The following TWIST2 variants were observed in gnomAD, a reference collection of about 807,000 sequenced individuals.
TWIST2 encodes the protein twist-related protein 2.
Under a neutral mutation model 11.6 loss-of-function variants are expected in TWIST2, and 1 was observed. The observed-to-expected ratio is 0.09, with a 90% CI of 0.03 to 0.41. The LOEUF (loss-of-function observed/expected upper bound fraction) is 0.41. Ranked by LOEUF, TWIST2 falls within the 10% of genes least tolerant of loss-of-function variation. TWIST2 has a pLI of 0.98. For synonymous variants in TWIST2, 87 were observed against 96.6 expected, an observed-to-expected ratio of 0.90 and a Z score of 0.58; for missense variants, 168 against 226.4, an observed-to-expected ratio of 0.74 and a Z score of 1.66.
In TWIST2 at chr2:238,896,391, C is replaced by T. The variant is rs918534448; in HGVS notation, c.*36-13451C>T. On this transcript the variant is annotated intron_variant, in intron 1 of 1. Coordinates refer to ENST00000612363, the MANE Select transcript of TWIST2 (RefSeq NM_001271893.4). Reference sequence around the variant, plus strand: ...GGAATCACAGGCTCCCTGCAGGACCCCATTTCAAGCCAGTGGTGCCGGAAG... The same window carrying T: ...GGAATCACAGGCTCCCTGCAGGACCTCATTTCAAGCCAGTGGTGCCGGAAG... Among the ~76,000 whole-genome samples the T allele has an allele frequency of 2.9e-4, 44 of 152,320 alleles. No individual in the cohort carries two copies. In the East Asian group the frequency reaches 7.0e-3, roughly 24 times the overall value.
rs908337437 is a variant in TWIST2, at chr2:238,867,009, C to T, written c.*35+18276C>T. Among the ~76,000 whole-genome samples, 7 of 152,174 alleles carry T rather than the reference C, an allele frequency of 4.6e-5. No individual in the cohort carries two copies. The highest frequency in any genetic ancestry group is 3.9e-4 in the East Asian group (2 of 5,186). ...GAAACTACACTGTGTCTGATGCAAA[C>T]GCATGTTTTCTGTGCATCTGTGATT... On this transcript the variant is annotated intron_variant, in intron 1 of 1. Coordinates refer to ENST00000612363, the MANE Select transcript of TWIST2 (RefSeq NM_001271893.4). The surrounding 1 kb of genome is among the most constrained non-coding windows in gnomAD (Gnocchi z 4.8).
intron 1 of TWIST2, among the ~76,000 whole-genome samples, chr2:238,891,032 C>T (rs929911669): frequency 1.3e-5 from 2 of 152,198 alleles, no homozygotes; most frequent in Admixed American, 6.5e-5. Context: ...CCCCGAGCTT[C>T]GGCGTGGTCC....
In TWIST2 at chr2:238,848,149, G is replaced by A. The variant is rs564627731; in HGVS notation, c.-67G>A. ...CCGAGAGCGTGTGCTCGGCGACCGC[G>A]GGCTTGGCCAGCGGCGCGCGCTCGG... On this transcript the variant is annotated 5_prime_UTR_variant, in exon 1 of 2. Coordinates refer to ENST00000612363, the MANE Select transcript of TWIST2 (RefSeq NM_001271893.4). The A allele has an allele frequency of 3.5e-4, 405 of 1,158,466 alleles. 2 individuals are homozygous for A. Among genetic ancestry groups the A allele is most frequent in the Non-Finnish European group, 3.9e-4 (364 of 940,172 alleles). 71.8% of individuals were successfully genotyped at this position (1,158,466 alleles called of 1,614,324 possible). A position where few individuals can be genotyped will look rare whatever the true frequency, so the allele number is the denominator to read the frequency against.
At chr2:238,891,090 G>A (rs1412675839) in intron 1 of TWIST2, among the ~76,000 whole-genome samples, 5 of 152,326 alleles carry the variant, frequency 3.3e-5, no homozygotes, top group Admixed American at 6.5e-5. Context: ...GGAGGACGTC[G>A]ATTAGATTTG....
intron 1 of TWIST2, among the ~76,000 whole-genome samples, chr2:238,853,448 G>GGAGAGAGAGAGAGA (rs375821278): frequency 1.9e-4 from 25 of 130,666 alleles, no homozygotes; most frequent in Admixed American, 2.4e-4. Context: ...AGGGAGAGAT[G>GGAGAGAGAGAGAGA]GAGAGAGAGA....
chr2:238,873,165 C>T (rs1398892610), intron 1 of TWIST2, among the ~76,000 whole-genome samples: 1 of 152,214 alleles, frequency 6.6e-6, no homozygotes, highest in African/African-American at 2.4e-5. Context: ...CAAGGGGTGG[C>T]ACTTTGGTGG....
chr2:238,909,551 A>G (rs1693417153), intron 1 of TWIST2, among the ~76,000 whole-genome samples: 1 of 151,926 alleles, frequency 6.6e-6, no homozygotes, highest in Non-Finnish European at 1.5e-5. Flanking sequence ...GGCCAGGGAG[A>G]GGCCCCGGGG....
intron 1 of TWIST2, among the ~76,000 whole-genome samples, chr2:238,880,542 G>A (rs868159965): frequency 6.5e-4 from 60 of 91,940 alleles, no homozygotes; most frequent in African/African-American, 2.4e-3. Flanking sequence ...ATTAGTGTTA[G>A]TGTTAGTATT....
chr2:238,854,027 GA>G (rs1004507149), intron 1 of TWIST2, among the ~76,000 whole-genome samples: 20 of 152,314 alleles, frequency 1.3e-4, no homozygotes, highest in African/African-American at 4.8e-4. Flanking sequence ...GAAAGATTCA[GA>G]TGACCCAGCT....
intron 1 of TWIST2, among the ~76,000 whole-genome samples, chr2:238,892,076 G>T (rs1693144295): frequency 6.6e-6 from 1 of 152,148 alleles, no homozygotes; most frequent in Admixed American, 6.5e-5. Flanking sequence ...CCGGTGTGTG[G>T]ACTGGAACCC....
At chr2:238,874,917 C>T (rs930445898) in intron 1 of TWIST2, among the ~76,000 whole-genome samples, 17 of 152,104 alleles carry the variant, frequency 1.1e-4, no homozygotes, top group Admixed American at 3.3e-4. Context: ...CCACACGGCC[C>T]CTTCTTTGTG....
Position 238,848,747 on chromosome 2 carries a change from G to A in TWIST2, c.*35+14G>A, listed in dbSNP as rs1275176483. ...CGGCGCGCCAGGGTAGGTGCTGCGCGCGCGACGGGCGCCCTCCGCTGCGGG... is the reference window on the plus strand; with the variant it reads ...CGGCGCGCCAGGGTAGGTGCTGCGCACGCGACGGGCGCCCTCCGCTGCGGG... On this transcript the variant is annotated intron_variant, in intron 1 of 1. Transcript: ENST00000612363. 4.5e-6 allele frequency: 6 copies of A among 1,343,148 alleles called. No homozygotes were observed. The highest frequency in any genetic ancestry group is 4.7e-6 in the Non-Finnish European group (5 of 1,054,436). 83.2% of individuals were successfully genotyped at this position (1,343,148 alleles called of 1,614,324 possible).
chr2:238,868,813 C>T (rs1692592748), intron 1 of TWIST2, among the ~76,000 whole-genome samples: 1 of 152,254 alleles, frequency 6.6e-6, no homozygotes, highest in African/African-American at 2.4e-5. Flanking sequence ...GCCCACGGCT[C>T]AGCAAGGCTG....
At chr2:238,869,098 C>T (rs1220162067) in intron 1 of TWIST2, among the ~76,000 whole-genome samples, 1 of 152,184 alleles carries the variant, frequency 6.6e-6, no homozygotes, top group Non-Finnish European at 1.5e-5. Flanking sequence ...GGGGAGCACG[C>T]CACTGAGAGA....
At chr2:238,901,440 A>G (rs903213884) in intron 1 of TWIST2, among the ~76,000 whole-genome samples, 5 of 152,006 alleles carry the variant, frequency 3.3e-5, no homozygotes, top group Non-Finnish European at 4.4e-5. Flanking sequence ...GAAGCAGACA[A>G]TTCTGGTTTT....
intron 1 of TWIST2, among the ~76,000 whole-genome samples, chr2:238,898,961 C>T (rs1487481562): frequency 1.3e-5 from 2 of 152,260 alleles, no homozygotes; most frequent in African/African-American, 2.4e-5. Flanking sequence ...ACAATGTGAC[C>T]GATGACTGCT....
At chr2:238,857,345 A>T (rs1258066499) in intron 1 of TWIST2, among the ~76,000 whole-genome samples, 3 of 152,200 alleles carry the variant, frequency 2.0e-5, no homozygotes, top group Non-Finnish European at 4.4e-5. Flanking sequence ...ATGTCTGAGC[A>T]TGAGCCCAGC....
chr2:238,858,679 A>T (rs1276445199), intron 1 of TWIST2, among the ~76,000 whole-genome samples: 2 of 152,140 alleles, frequency 1.3e-5, no homozygotes, highest in African/African-American at 4.8e-5. Context: ...AAAATAATGG[A>T]CTAAGTTTCT....
At chr2:238,856,626 G>A (rs1236122991) in intron 1 of TWIST2, among the ~76,000 whole-genome samples, 3 of 152,092 alleles carry the variant, frequency 2.0e-5, no homozygotes, top group South Asian at 4.1e-4. Flanking sequence ...TCAGGGCTAC[G>A]GAAGGGACTC....
Sources: allele counts gnomAD v4.1 joint callset (sites outside exome capture counted in the v4.1 genomes callset), GRCh38; gene constraint gnomAD v4.1.1; non-coding constraint Gnocchi (gnomAD v3.1); transcripts MANE v1.5; gene names NCBI Gene and HGNC (gene_info 2026-07-23, HGNC 2026-07-21).